Variants in MSRA observed in about 807,000 individuals in gnomAD.
The protein encoded by MSRA is mitochondrial peptide methionine sulfoxide reductase.
MSRA carries 54 observed loss-of-function variants against 31.3 expected under a neutral mutation model. The observed-to-expected ratio is 1.73, with a 90% CI of 1.39 to 2.17. MSRA has a LOEUF of 2.17. Among genes scored for constraint, MSRA ranks in the 30% most tolerant of loss-of-function variants. MSRA has a pLI of 0.00. For synonymous variants in MSRA, 169 were observed against 116.5 expected (o/e 1.45, Z -2.90); for missense variants, 507 against 300.9 (o/e 1.69, Z -5.07).
chr8:10,064,046 T>C (rs910328836), intron 1 of MSRA, among the ~76,000 whole-genome samples: 3 of 152,186 alleles, frequency 2.0e-5, no homozygotes, highest in Admixed American at 2.0e-4. Flanking sequence ...GTGTCTCTCC[T>C]TGGGGAGATG....
At chr8:10,285,101 A>C (rs772212578) in intron 3 of MSRA, among the ~76,000 whole-genome samples, 3 of 151,766 alleles carry the variant, frequency 2.0e-5, no homozygotes, top group African/African-American at 7.3e-5. Context: ...ATTGTTCAGC[A>C]GTATGGAGCC....
chr8:10,221,713 G>C (rs1465729764), intron 2 of MSRA, among the ~76,000 whole-genome samples: 1 of 152,212 alleles, frequency 6.6e-6, no homozygotes, highest in African/African-American at 2.4e-5. Flanking sequence ...GATAAGTGCT[G>C]TTGATTAAAA....
intron 2 of MSRA, among the ~76,000 whole-genome samples, chr8:10,228,100 C>A (rs144396355): frequency 1.3e-5 from 2 of 152,046 alleles, no homozygotes; most frequent in South Asian, 2.1e-4. Context: ...AATGTGTGTC[C>A]GTGGCCAGGG....
chr8:10,380,502 G>T (rs1375257504), intron 5 of MSRA, among the ~76,000 whole-genome samples: 8 of 152,230 alleles, frequency 5.3e-5, no homozygotes, highest in African/African-American at 1.9e-4. Context: ...TGCTGATGGT[G>T]TGGCCTCTTT....
chr8:10,324,971 C>T (rs569818539), intron 5 of MSRA, among the ~76,000 whole-genome samples: 2 of 152,118 alleles, frequency 1.3e-5, no homozygotes, highest in Non-Finnish European at 2.9e-5. Flanking sequence ...AGGCACATGG[C>T]GTTGAGTGTA....
intron 5 of MSRA, among the ~76,000 whole-genome samples, chr8:10,370,887 T>C (rs990689083): frequency 1.3e-5 from 2 of 152,320 alleles, no homozygotes; most frequent in East Asian, 3.9e-4. Context: ...AATGTTGCCA[T>C]GGAGAGAAAA....
At chr8:10,297,616 A>G (rs1034918896) in intron 3 of MSRA, among the ~76,000 whole-genome samples, 1 of 152,184 alleles carries the variant, frequency 6.6e-6, no homozygotes, top group Admixed American at 6.5e-5. Context: ...GATCATTTGC[A>G]CTGTGTATTT....
chr8:10,207,717 C>A lies in MSRA; in HGVS notation c.143-116C>A, dbSNP rs1809119599. 6 of 882,256 alleles carry A rather than the reference C, an allele frequency of 6.8e-6. No individual in the cohort carries two copies. The African/African-American group carries it at 1.0e-4, about 15-fold the overall frequency. 54.7% of individuals were successfully genotyped at this position (882,256 alleles called of 1,614,324 possible). On this transcript the variant is annotated intron_variant, in intron 1 of 5. Coordinates refer to ENST00000317173, the MANE Select transcript of MSRA (RefSeq NM_012331.5). ...ATTGAAGCTCTCTTCAGAGGGTAAG[C>A]TTGGGTGCATTTTTAACTCAAAGGA...
intron 5 of MSRA, among the ~76,000 whole-genome samples, chr8:10,325,106 G>A (rs1585475562): frequency 6.6e-6 from 1 of 152,124 alleles, no homozygotes; most frequent in African/African-American, 2.4e-5. Context: ...ATGCATTAGT[G>A]TCCTCTGGGT....
At chr8:10,247,765 T>A (rs560159677) in intron 3 of MSRA, among the ~76,000 whole-genome samples, 1 of 152,282 alleles carries the variant, frequency 6.6e-6, no homozygotes, top group East Asian at 1.9e-4. Context: ...ACGATTTCTT[T>A]CCCTAGGCTT....
chr8:10,172,786 C>A (rs1382742381), intron 1 of MSRA, among the ~76,000 whole-genome samples: 3 of 152,192 alleles, frequency 2.0e-5, no homozygotes, highest in Non-Finnish European at 4.4e-5. Context: ...TAGCTCACCC[C>A]TTCGCTTACT....
chr8:10,235,448 A>C (rs1344422967), intron 2 of MSRA, among the ~76,000 whole-genome samples: 1 of 152,158 alleles, frequency 6.6e-6, no homozygotes, highest in Non-Finnish European at 1.5e-5. Context: ...AACACTTGAA[A>C]ATAAATAAGC....
At chr8:10,179,431 T>C (rs1470947716) in intron 1 of MSRA, among the ~76,000 whole-genome samples, 1 of 152,206 alleles carries the variant, frequency 6.6e-6, no homozygotes, top group African/African-American at 2.4e-5. Flanking sequence ...TGAGAGTCGA[T>C]CATTTATAAT....
At chr8:10,240,428 A>G (rs540388149) in intron 2 of MSRA, among the ~76,000 whole-genome samples, 1 of 152,288 alleles carries the variant, frequency 6.6e-6, no homozygotes, top group Non-Finnish European at 1.5e-5. Context: ...CAGTGAAGAC[A>G]CTGGCTGGCA....
intron 1 of MSRA, among the ~76,000 whole-genome samples, chr8:10,176,709 G>A (rs1411720979): frequency 1.3e-5 from 2 of 152,208 alleles, no homozygotes; most frequent in East Asian, 1.9e-4. Flanking sequence ...TTCCAGACCA[G>A]ACTTACGAAG....
At chr8:10,096,062 T>C (rs1480216887) in intron 1 of MSRA, 3 of 1,388,302 alleles carry the variant, frequency 2.2e-6, no homozygotes, top group Admixed American at 5.6e-5. Context: ...TTAGATTTTA[T>C]TTTATTTTAT....
intron 3 of MSRA, chr8:10,251,066 TCTC>T: frequency 6.6e-6 from 1 of 152,310 alleles, no homozygotes; most frequent in South Asian, 2.1e-4. Flanking sequence ...CCCGTTTTCT[TCTC>T]TTCTTCATCT....
intron 2 of MSRA, among the ~76,000 whole-genome samples, chr8:10,237,333 A>G (rs1262264731): frequency 2.0e-5 from 3 of 152,258 alleles, no homozygotes; most frequent in Non-Finnish European, 2.9e-5. Flanking sequence ...AATCACTTTT[A>G]TAGAGATGGG....
intron 1 of MSRA, among the ~76,000 whole-genome samples, chr8:10,102,523 G>C (rs1177503411): frequency 6.6e-6 from 1 of 152,050 alleles, no homozygotes; most frequent in African/African-American, 2.4e-5. Context: ...AGTTGTTTGT[G>C]GAAACATGTT....
Sources: allele counts gnomAD v4.1 joint callset (sites outside exome capture counted in the v4.1 genomes callset), GRCh38; gene constraint gnomAD v4.1.1; transcripts MANE v1.5; gene names NCBI Gene and HGNC (gene_info 2026-07-23, HGNC 2026-07-21).